ROBO1: variants seen among roughly 807,000 people sequenced by gnomAD.
ROBO1 encodes roundabout guidance receptor 1.
In ROBO1, 149 loss-of-function variants were observed where a neutral mutation model predicts 195.9. That is an observed-to-expected ratio of 0.76 (90% CI 0.67 to 0.87). The LOEUF (loss-of-function observed/expected upper bound fraction) is 0.87. Among genes scored for constraint, ROBO1 ranks in the 40% least tolerant of loss-of-function variants. The pLI is 0.00. For synonymous variants in ROBO1, 816 were observed against 733.2 expected, an observed-to-expected ratio of 1.11 and a Z score of -1.82; for missense variants, 1,933 against 2,068.3, an observed-to-expected ratio of 0.93 and a Z score of 1.27.
chr3:78,600,355 T>C (rs910286777), intron 29 of ROBO1, 46 bp from the exon 30 acceptor site: 3 of 1,194,292 alleles, frequency 2.5e-6, no homozygotes, highest in Non-Finnish European at 3.7e-6. Context: ...CATCATACAC[T>C]TTCACTGTAT....
chr3:79,611,387 A>T (rs1479075011), intron 1 of ROBO1, among the ~76,000 whole-genome samples: 1 of 152,138 alleles, frequency 6.6e-6, no homozygotes, highest in Non-Finnish European at 1.5e-5. Context: ...ACTTAAATTA[A>T]CTAAATGAAA....
intron 2 of ROBO1, among the ~76,000 whole-genome samples, chr3:79,144,380 C>A (rs1288923952): frequency 1.3e-5 from 2 of 152,012 alleles, no homozygotes; most frequent in African/African-American, 4.8e-5. Context: ...TCTGAGAGCT[C>A]GTTCCTTTTC....
chr3:78,743,608 T>TA (rs143228406), intron 5 of ROBO1, among the ~76,000 whole-genome samples: 14 of 152,228 alleles, frequency 9.2e-5, no homozygotes, highest in South Asian at 2.1e-4. Flanking sequence ...CTATATGTGC[T>TA]AAAAAAATCC....
intron 2 of ROBO1, among the ~76,000 whole-genome samples, chr3:79,212,623 C>T (rs1182463013): frequency 6.6e-6 from 1 of 151,992 alleles, no homozygotes; most frequent in East Asian, 1.9e-4. Flanking sequence ...AGTTCAAGAC[C>T]AGCCTGGGTA....
chr3:79,736,446 T>C (rs999981265), intron 1 of ROBO1, among the ~76,000 whole-genome samples: 2 of 152,192 alleles, frequency 1.3e-5, no homozygotes, highest in African/African-American at 4.8e-5. Flanking sequence ...TTCTGGCTTC[T>C]ATGAGGAGAA....
At chr3:79,226,413 C>T (rs1450827933) in intron 2 of ROBO1, among the ~76,000 whole-genome samples, 1 of 152,152 alleles carries the variant, frequency 6.6e-6, no homozygotes, top group Non-Finnish European at 1.5e-5. Context: ...ACCAAGTCTT[C>T]TTTGAGCTCC....
chr3:79,055,007 C>A (rs1220244539), intron 3 of ROBO1, among the ~76,000 whole-genome samples: 1 of 152,110 alleles, frequency 6.6e-6, no homozygotes, highest in African/African-American at 2.4e-5. Flanking sequence ...GTAGGGTGGT[C>A]AATCTCTGTA....
chr3:79,320,394 T>C (rs2033928135), intron 2 of ROBO1, among the ~76,000 whole-genome samples: 1 of 152,174 alleles, frequency 6.6e-6, no homozygotes, highest in Admixed American at 6.5e-5. Context: ...AGTGGCACAA[T>C]CACAGCTCGC....
chr3:79,056,630 G>A (rs1410528997), intron 3 of ROBO1, among the ~76,000 whole-genome samples: 4 of 152,072 alleles, frequency 2.6e-5, no homozygotes, highest in Admixed American at 6.6e-5. Context: ...TGTCTAACTT[G>A]TTTTCTATGC....
intron 5 of ROBO1, among the ~76,000 whole-genome samples, chr3:78,724,782 C>A (rs189621849): frequency 5.9e-5 from 9 of 152,020 alleles, no homozygotes; most frequent in Admixed American, 2.0e-4. Flanking sequence ...AACTGTGGTG[C>A]CCCTATGTAA....
chr3:78,928,082 T>C (rs1188852443), intron 4 of ROBO1, among the ~76,000 whole-genome samples: 1 of 152,134 alleles, frequency 6.6e-6, no homozygotes, highest in East Asian at 1.9e-4. Context: ...ATATCCCCAT[T>C]TTACAGGTAA....
intron 2 of ROBO1, among the ~76,000 whole-genome samples, chr3:79,525,945 T>C (rs1941417218): frequency 6.6e-6 from 1 of 152,142 alleles, no homozygotes; most frequent in South Asian, 2.1e-4. Flanking sequence ...TCTAATTATC[T>C]AAGTTAATTT....
At chr3:78,654,686 C>T in intron 18 of ROBO1, among the ~76,000 whole-genome samples, 1 of 152,178 alleles carries the variant, frequency 6.6e-6, no homozygotes, top group Non-Finnish European at 1.5e-5. Flanking sequence ...TGTCTCACTG[C>T]AGCTGAGCCT....
intron 14 of ROBO1, among the ~76,000 whole-genome samples, chr3:78,666,880 A>AT (rs764626352): frequency 4.3e-4 from 65 of 151,002 alleles, no homozygotes; most frequent in Non-Finnish European, 8.1e-4. Context: ...AACCAAGTCT[A>AT]TTTTTTTTTC....
intron 1 of ROBO1, among the ~76,000 whole-genome samples, chr3:79,644,460 T>C (rs993505481): frequency 1.3e-5 from 2 of 152,176 alleles, no homozygotes; most frequent in Non-Finnish European, 2.9e-5. Flanking sequence ...CTCACAATGA[T>C]GGCAGAAGGC....
intron 10 of ROBO1, among the ~76,000 whole-genome samples, chr3:78,673,565 TATATATATATATATATATATA>T (rs1708206106): frequency 3.0e-4 from 6 of 20,110 alleles, no homozygotes; most frequent in African/African-American, 1.1e-3. Context: ...ATATATTTTA[TATATATATATATATATATATA>T]TATATATATA....
intron 10 of ROBO1, among the ~76,000 whole-genome samples, chr3:78,673,892 C>T (rs993116098): frequency 1.3e-5 from 2 of 151,830 alleles, no homozygotes; most frequent in Middle Eastern, 3.4e-3. Context: ...CATCCATTTA[C>T]AAACTGCAAA....
At chr3:79,364,253 C>CAT (rs2035882071) in intron 2 of ROBO1, among the ~76,000 whole-genome samples, 3 of 114,094 alleles carry the variant, frequency 2.6e-5, no homozygotes, top group South Asian at 2.9e-4. Flanking sequence ...TATATATATA[C>CAT]ATATATATAC....
intron 2 of ROBO1, among the ~76,000 whole-genome samples, chr3:79,275,963 C>G (rs982552978): frequency 6.6e-6 from 1 of 151,582 alleles, no homozygotes; most frequent in Non-Finnish European, 1.5e-5. Flanking sequence ...AACACTGATG[C>G]AAGAAATTGA....
Sources: gnomAD v4.1 joint callset for allele counts (sites outside exome capture counted in the v4.1 genomes callset) on GRCh38, gnomAD v4.1.1 for gene constraint, MANE v1.5 for transcripts, NCBI Gene and HGNC (gene_info 2026-07-23, HGNC 2026-07-21) for gene names.